Variants in BICDL1 observed in about 807,000 individuals in gnomAD.
BICDL1 encodes BICD family-like cargo adapter 1.
In BICDL1, 20 loss-of-function variants were observed where a neutral mutation model predicts 76.8. That is an observed-to-expected ratio of 0.26 (90% CI 0.18 to 0.38). The LOEUF (loss-of-function observed/expected upper bound fraction) is 0.38, where lower values mean the gene tolerates loss of function less well. BICDL1 is among the 10% of genes least tolerant of loss of function. The probability of loss-of-function intolerance (pLI) is 1.00; values close to 1 mark genes in which losing one functional copy is unlikely to be tolerated. For missense variants in BICDL1, 700 were observed against 798.6 expected (o/e 0.88, Z 1.49); for synonymous variants, 383 against 337.1 (o/e 1.14, Z -1.49).
At chr12:120,019,223 T>A (rs1252946716) in intron 2 of BICDL1, 3 of 152,040 alleles carry the variant, frequency 2.0e-5, no homozygotes, top group Non-Finnish European at 4.4e-5. Flanking sequence ...GAAAAGTTAC[T>A]GCACTCCAAC....
Position 120,071,483 on chromosome 12 carries a change from T to G in BICDL1, c.910-139T>G. 2 of 1,224,910 alleles carry G rather than the reference T, an allele frequency of 1.6e-6. No individual in the cohort carries two copies. Among genetic ancestry groups the G allele is most frequent in the Non-Finnish European group, 2.2e-6 (2 of 919,226 alleles). 75.9% of individuals were successfully genotyped at this position (1,224,910 alleles called of 1,614,324 possible). ...GGATTTTGCTGAGTGCATCTCCTGATGTAGTTTAACATGTTCTTCTCTCCT... is the reference window on the plus strand; with the variant it reads ...GGATTTTGCTGAGTGCATCTCCTGAGGTAGTTTAACATGTTCTTCTCTCCT... On this transcript the variant is annotated intron_variant, in intron 4 of 9. Coordinates refer to ENST00000548673, the MANE Select transcript of BICDL1 (RefSeq NM_001367886.1). The surrounding 1 kb of genome is among the most constrained non-coding windows in gnomAD (Gnocchi z 4.8).
intron 1 of BICDL1, among the ~76,000 whole-genome samples, chr12:119,996,696 ACACAC>A (rs981191026): frequency 3.3e-5 from 5 of 152,144 alleles, no homozygotes; most frequent in African/African-American, 9.7e-5. Flanking sequence ...ACACACACAC[ACACAC>A]ACGCATAGAT....
chr12:120,011,562 T>G (rs1316123304), intron 2 of BICDL1, among the ~76,000 whole-genome samples: 2 of 152,210 alleles, frequency 1.3e-5, no homozygotes, highest in East Asian at 3.8e-4. Context: ...TCAGGTAATA[T>G]CTTTGATAAT....
intron 2 of BICDL1, chr12:120,057,262 A>C: frequency 2.7e-6 from 1 of 367,692 alleles, no homozygotes. Flanking sequence ...CGATCCTTCC[A>C]CCTTGGCCTC....
intron 2 of BICDL1, among the ~76,000 whole-genome samples, chr12:120,013,172 G>C (rs1951987975): frequency 6.6e-6 from 1 of 151,872 alleles, no homozygotes; most frequent in Non-Finnish European, 1.5e-5. Context: ...AAATTAGCCG[G>C]GTCTGGTGGC....
intron 2 of BICDL1, among the ~76,000 whole-genome samples, chr12:120,017,931 A>T (rs1348840002): frequency 6.6e-6 from 1 of 152,180 alleles, no homozygotes; most frequent in Non-Finnish European, 1.5e-5. Context: ...GACTGTGTGG[A>T]TACTTGCAAA....
intron 7 of BICDL1, among the ~76,000 whole-genome samples, chr12:120,077,934 G>T (rs1313105577): frequency 6.6e-6 from 1 of 152,192 alleles, no homozygotes; most frequent in Non-Finnish European, 1.5e-5. Flanking sequence ...CAGTCTGGCT[G>T]CATTCCAGCC....
intron 6 of BICDL1, 41 bp from the exon 7 acceptor site, chr12:120,074,402 C>G: frequency 8.9e-7 from 1 of 1,129,094 alleles, no homozygotes; most frequent in Non-Finnish European, 1.1e-6. Flanking sequence ...CTCTCCTGTA[C>G]CCTTACCATA....
chr12:120,086,146 C>G (rs80024603), intron 8 of BICDL1, among the ~76,000 whole-genome samples: 3,516 of 152,304 alleles, frequency 0.023, 143 homozygotes, highest in African/African-American at 0.081. Flanking sequence ...ATTCTCCCCT[C>G]TGGAAGGATG....
rs1396759511 is a variant in BICDL1, at chr12:119,990,427, TGG to T, written c.429+134_429+135del. The T allele has an allele frequency of 2.7e-6, 4 of 1,462,748 alleles. No homozygotes were observed. The African/African-American group carries it at 5.8e-5, about 21-fold the overall frequency. 90.6% of individuals were successfully genotyped at this position (1,462,748 alleles called of 1,614,324 possible). On this transcript the variant is annotated intron_variant, in intron 1 of 9. Transcript: ENST00000548673. ...TACCTCGCAGAAAATCTGGAATGAA[TGG>T]GGGAGGGAGGATGGAGGATTATCAG...
intron 8 of BICDL1, among the ~76,000 whole-genome samples, chr12:120,084,407 A>G (rs1874237351): frequency 6.6e-6 from 1 of 152,356 alleles, no homozygotes; most frequent in African/African-American, 2.4e-5. Context: ...GGCCACAGCC[A>G]GCAGTGACTC....
At chr12:120,010,584 T>C (rs906993809) in intron 2 of BICDL1, among the ~76,000 whole-genome samples, 1 of 152,336 alleles carries the variant, frequency 6.6e-6, no homozygotes. Flanking sequence ...CATAGGTCTC[T>C]AAGAGGTGCC....
chr12:120,064,629 A>G, intron 3 of BICDL1, 104 bp from the exon 4 acceptor site: 1 of 1,164,560 alleles, frequency 8.6e-7, no homozygotes, highest in Non-Finnish European at 1.2e-6. Flanking sequence ...ATTGGGCAGA[A>G]TACTGAAAGA....
At position 120,059,476 on chromosome 12, in the gene BICDL1, A is replaced by G. The variant is rs139463278; in HGVS notation, c.646-2234A>G. ...TTTTTAGTAGACACGGGGTTTCACC[A>G]TGTTGGCCAAGCTGGTCTTGAACTC... On this transcript the variant is annotated intron_variant, in intron 2 of 9. Coordinates refer to ENST00000548673, the MANE Select transcript of BICDL1 (RefSeq NM_001367886.1). Among the ~76,000 whole-genome samples the G allele has an allele frequency of 7.6e-3, 1,149 of 151,982 alleles. 14 individuals carry two copies. The highest frequency in any genetic ancestry group is 0.025 in the African/African-American group (1,049 of 41,420).
intron 2 of BICDL1, among the ~76,000 whole-genome samples, chr12:120,051,071 G>T (rs964652505): frequency 2.1e-5 from 3 of 145,594 alleles, no homozygotes; most frequent in East Asian, 4.1e-4. Context: ...TTGCTCTGTC[G>T]CCCAGAGCTG....
intron 2 of BICDL1, among the ~76,000 whole-genome samples, chr12:120,004,015 T>C (rs1202745862): frequency 6.6e-6 from 1 of 152,186 alleles, no homozygotes; most frequent in Non-Finnish European, 1.5e-5. Flanking sequence ...GTCTGTAGTA[T>C]GGAGAAGGAG....
intron 2 of BICDL1, among the ~76,000 whole-genome samples, chr12:120,060,048 G>A (rs1953070694): frequency 6.6e-6 from 1 of 152,200 alleles, no homozygotes; most frequent in African/African-American, 2.4e-5. Context: ...TTCTGTCACT[G>A]AGATGCTGGG....
intron 8 of BICDL1, among the ~76,000 whole-genome samples, chr12:120,089,327 T>C (rs576267083): frequency 6.6e-6 from 1 of 151,302 alleles, no homozygotes; most frequent in East Asian, 1.9e-4. Context: ...GTTCTGCTCT[T>C]TCAACGTGTG....
intron 2 of BICDL1, among the ~76,000 whole-genome samples, chr12:120,006,521 T>G (rs1158405474): frequency 6.6e-6 from 1 of 152,218 alleles, no homozygotes; most frequent in African/African-American, 2.4e-5. Flanking sequence ...GTGATAGTAC[T>G]ATGAATACAA....
Sources: gnomAD v4.1 joint callset for allele counts (sites outside exome capture counted in the v4.1 genomes callset) on GRCh38, gnomAD v4.1.1 for gene constraint, Gnocchi (gnomAD v3.1) non-coding constraint, MANE v1.5 for transcripts, NCBI Gene and HGNC (gene_info 2026-07-23, HGNC 2026-07-21) for gene names.